SERPINA3: variants seen among roughly 807,000 people sequenced by gnomAD.
SERPINA3 encodes the protein alpha-1-antichymotrypsin.
SERPINA3 carries 32 observed loss-of-function variants against 26.8 expected under a neutral mutation model. The observed-to-expected ratio is 1.20, with a 90% CI of 0.90 to 1.61. The LOEUF is 1.61. Ranked by LOEUF, SERPINA3 falls within the 40% of genes most tolerant of loss-of-function variation. The pLI is 0.00. For synonymous variants in SERPINA3, 252 were observed against 206.4 expected, an observed-to-expected ratio of 1.22 and a Z score of -1.89; for missense variants, 632 against 517.9, an observed-to-expected ratio of 1.22 and a Z score of -2.14.
At chr14:94,623,109 GT>G (rs1341342291) in intron 4 of SERPINA3, among the ~76,000 whole-genome samples, 19 of 152,182 alleles carry the variant, frequency 1.2e-4, no homozygotes, top group African/African-American at 4.3e-4. Flanking sequence ...GACCCGTATG[GT>G]TCAGGAATTC....
At position 94,620,900 on chromosome 14, in the gene SERPINA3, G is replaced by T. The variant is rs573016553; in HGVS notation, c.917+1432G>T. Among the ~76,000 whole-genome samples, 92 of 152,280 alleles carry T rather than the reference G, an allele frequency of 6.0e-4. 1 individual carries two copies. The highest frequency in any genetic ancestry group is 2.1e-3 in the African/African-American group (89 of 41,550). On this transcript the variant is annotated intron_variant, in intron 3 of 4. Transcript: ENST00000393078. The stretch of plus-strand genomic sequence containing the variant: ...GCACCAGCCTTGGGTTCAGACCGTG[G>T]TGGCTGGTGTGACCTGGAGCAGGTC...
At chr14:94,622,698 C>T (rs926202922) in intron 4 of SERPINA3, 21 of 623,082 alleles carry the variant, frequency 3.4e-5, no homozygotes, top group Non-Finnish European at 4.6e-5. Flanking sequence ...GCCTCTACAA[C>T]ATAATGTCAT....
rs116929575 is a variant in SERPINA3, at chr14:94,623,782, A to G, written c.1240A>G (p.Met414Val). The change falls in exon 5 of 5, where the codon ATG becomes GTG. Residue 414 changes from methionine to valine, a missense_variant. Physicochemically the swap from Met to Val is conservative, Grantham distance 21 (BLOSUM62 1). Coordinates refer to ENST00000393078, the MANE Select transcript of SERPINA3 (RefSeq NM_001085.5). ...TACAGACACCCAGAACATCTTCTTC[A>G]TGAGCAAAGTCACCAATCCCAAGCA... Reference protein sequence around the residue: ...VPTDTQNIFFMSKVTNPKQA With the variant: ...VPTDTQNIFFVSKVTNPKQA 1,186 of 1,614,118 alleles carry G rather than the reference A, an allele frequency of 7.3e-4. 20 individuals carry two copies. In the East Asian group the frequency reaches 0.025, roughly 34 times the overall value.
intron 2 of SERPINA3, chr14:94,618,375 A>T (rs1046529245): frequency 1.3e-5 from 2 of 152,142 alleles, no homozygotes. Context: ...AGGCAGTTTC[A>T]TGGAATTTTA....
chr14:94,623,577 G>A (rs1180131284), intron 4 of SERPINA3, 34 bp from the exon 5 acceptor site: 4 of 1,604,716 alleles, frequency 2.5e-6, no homozygotes, highest in South Asian at 1.1e-5. Flanking sequence ...GCGCATCTGT[G>A]TTTCCCGTGT....
At chr14:94,618,295 T>G (rs1886073495) in intron 2 of SERPINA3, 1 of 152,110 alleles carries the variant, frequency 6.6e-6, no homozygotes, top group East Asian at 1.9e-4. Flanking sequence ...AGGCCTTTAG[T>G]GAGAGGAGTT....
intron 1 of SERPINA3, 126 bp downstream of exon 1, chr14:94,612,573 G>C (rs1337834897): frequency 2.1e-6 from 1 of 482,940 alleles, no homozygotes; most frequent in African/African-American, 2.1e-5. Context: ...GTACTCAGGT[G>C]TTAGGGGCCA....
intron 1 of SERPINA3, among the ~76,000 whole-genome samples, chr14:94,612,686 C>A (rs116814299): frequency 6.6e-6 from 1 of 152,194 alleles, no homozygotes; most frequent in Non-Finnish European, 1.5e-5. Flanking sequence ...CCTGGGGCCT[C>A]TATGGTCATT....
intron 3 of SERPINA3, among the ~76,000 whole-genome samples, chr14:94,621,713 C>G (rs891796862): frequency 6.6e-6 from 1 of 152,156 alleles, no homozygotes; most frequent in Non-Finnish European, 1.5e-5. Context: ...GCTCTTCTAA[C>G]ACAATCAGAC....
intron 4 of SERPINA3, chr14:94,622,726 G>C: frequency 1.7e-6 from 1 of 583,548 alleles, no homozygotes; most frequent in Non-Finnish European, 3.1e-6. Context: ...TGGAATCAGA[G>C]AGCCATGGAC....
chr14:94,619,597 A>G (rs1308928328), intron 3 of SERPINA3, 129 bp downstream of exon 3: 18 of 1,159,942 alleles, frequency 1.6e-5, no homozygotes, highest in Non-Finnish European at 2.0e-5. Flanking sequence ...ACTTTGCCCT[A>G]TGCTGCCTAC....
chr14:94,614,746 G>A lies in SERPINA3; in HGVS notation c.305G>A (p.Gly102Asp). 1.2e-6 allele frequency: 2 copies of A among 1,614,114 alleles called. No homozygotes were observed. Among genetic ancestry groups the A allele is most frequent in the East Asian group, 2.2e-5 (1 of 44,872 alleles). The change falls in exon 2 of 5, where the codon GGC (glycine) becomes GAC (aspartate). Residue 102 changes from glycine to aspartate, a missense_variant. Coordinates refer to ENST00000393078, the MANE Select transcript of SERPINA3 (RefSeq NM_001085.5). ...ACCACCCTGACAGAGATTCTCAAAG[G>A]CCTCAAGTTCAACCTCACGGAGACT... is the stretch of plus-strand genomic sequence containing the variant. ...HNTTLTEILKGLKFNLTETSE... is the reference protein window; with the variant it reads ...HNTTLTEILKDLKFNLTETSE...
rs1410540189 is a variant in SERPINA3 at position 94,623,946 on chromosome 14, G to A, written c.*132G>A. On this transcript the variant is annotated 3_prime_UTR_variant, in exon 5 of 5. Coordinates refer to ENST00000393078, the MANE Select transcript of SERPINA3 (RefSeq NM_001085.5). ...TGTGTGGCCCTGTCTGCTTATCCTT[G>A]GAAGGTGACAGCGATTCCCTGTGTA... 2.1e-5 allele frequency: 17 copies of A among 815,624 alleles called. No homozygotes were observed. The Admixed American group carries it at 3.1e-4, about 15-fold the overall frequency. 50.5% of individuals were successfully genotyped at this position (815,624 alleles called of 1,614,324 possible). A position where few individuals can be genotyped will look rare whatever the true frequency, so the allele number is the denominator to read the frequency against.
chr14:94,622,698 C>A, intron 4 of SERPINA3: 2 of 623,202 alleles, frequency 3.2e-6, no homozygotes, highest in Admixed American at 2.3e-5. Context: ...GCCTCTACAA[C>A]ATAATGTCAT....
In SERPINA3 at chr14:94,623,944, T is replaced by C. The variant is rs1006030613; in HGVS notation, c.*130T>C. ...CATGTGTGGCCCTGTCTGCTTATCC[T>C]TGGAAGGTGACAGCGATTCCCTGTG... On this transcript the variant is annotated 3_prime_UTR_variant, in exon 5 of 5. Coordinates refer to ENST00000393078, the MANE Select transcript of SERPINA3 (RefSeq NM_001085.5). The C allele has an allele frequency of 1.6e-4, 134 of 824,170 alleles. 2 individuals carry two copies. In the South Asian group the frequency reaches 1.7e-3, roughly 10 times the overall value. 51.1% of individuals were successfully genotyped at this position (824,170 alleles called of 1,614,324 possible). A position where few individuals can be genotyped will look rare whatever the true frequency, so the allele number is the denominator to read the frequency against.
At position 94,619,382 on chromosome 14, in the gene SERPINA3, C is replaced by G; in HGVS notation, c.831C>G (p.Ile277Met). Residue 277 changes from isoleucine (I) to methionine (M), a missense_variant, in exon 3 of 5, where the codon ATC (isoleucine) becomes ATG (methionine). Physicochemically the swap from Ile to Met is conservative, Grantham distance 10. Coordinates refer to ENST00000393078, the MANE Select transcript of SERPINA3 (RefSeq NM_001085.5). ...CAGGCAATGCCAGCGCACTCTTCAT[C>G]CTCCCTGATCAAGACAAGATGGAGG... is the stretch of plus-strand genomic sequence containing the variant. Reference protein sequence around the residue: ...KYTGNASALFILPDQDKMEEV... With the variant: ...KYTGNASALFMLPDQDKMEEV... 1.9e-6 allele frequency: 3 copies of G among 1,614,178 alleles called. No individual in the cohort carries two copies. Among genetic ancestry groups the G allele is most frequent in the South Asian group, 2.2e-5 (2 of 91,076 alleles).
rs1475229065 is a variant in SERPINA3, at chr14:94,623,672, CA to C, written c.1131del (p.Val378SerfsTer9). On this transcript the variant is annotated frameshift_variant, in exon 5 of 5. Coordinates refer to ENST00000393078, the MANE Select transcript of SERPINA3 (RefSeq NM_001085.5). LOFTEE classifies it low-confidence loss of function (END_TRUNC). The part of the protein sequence containing the change: ...EEGTEASAAT[A>X]VKITLLSALV... ...GGCACAGAAGCATCTGCTGCCACAG[CA>C]GTCAAAATCACCCTCCTTTCTGCAT... 42 of 1,614,068 alleles carry C rather than the reference CA, an allele frequency of 2.6e-5. No individual in the cohort carries two copies. The highest frequency in any genetic ancestry group is 3.4e-5 in the Non-Finnish European group (40 of 1,180,036).
chr14:94,618,826 C>T (rs1886090178), intron 2 of SERPINA3: 4 of 377,244 alleles, frequency 1.1e-5, no homozygotes, highest in East Asian at 6.1e-5. Context: ...GCTAATGAGA[C>T]ATTTTTCCTT....
Position 94,622,378 on chromosome 14 carries a change from T to G in SERPINA3, c.955T>G (p.Ser319Ala). 1 of 1,614,090 alleles carries G rather than the reference T, an allele frequency of 6.2e-7. No individual in the cohort carries two copies. The highest frequency in any genetic ancestry group is 1.1e-5 in the South Asian group (1 of 91,072). ...GCTCTACCTGCCAAAGTTTTCCATC[T>G]CGAGGGACTATAACCTGAACGACAT... Reference protein sequence around the residue: ...GELYLPKFSISRDYNLNDILL... With the variant: ...GELYLPKFSIARDYNLNDILL... Residue 319 changes from serine (S) to alanine (A), a missense_variant, in exon 4 of 5, where the codon TCG becomes GCG. Ser to Ala is a moderately conservative substitution (Grantham distance 99). Coordinates refer to ENST00000393078, the MANE Select transcript of SERPINA3 (RefSeq NM_001085.5).
Sources: allele counts gnomAD v4.1 joint callset (sites outside exome capture counted in the v4.1 genomes callset), GRCh38; gene constraint gnomAD v4.1.1; transcripts MANE v1.5; gene names NCBI Gene and HGNC (gene_info 2026-07-23, HGNC 2026-07-21).